VPS13B: variants seen among roughly 807,000 people sequenced by gnomAD.
The protein encoded by VPS13B is vacuolar protein sorting 13 homolog B, also known as intermembrane lipid transfer protein VPS13B.
A neutral mutation model predicts 426.4 loss-of-function variants in VPS13B; 285 were observed. The observed-to-expected ratio is 0.67, with a 90% CI of 0.61 to 0.74. VPS13B has a LOEUF of 0.74. Ranked by LOEUF, VPS13B falls within the 30% of genes least tolerant of loss-of-function variation. The probability of loss-of-function intolerance (pLI) is 0.00; values close to 1 mark genes in which losing one functional copy is unlikely to be tolerated. For missense variants in VPS13B, 4,537 were observed against 4,782.6 expected, an observed-to-expected ratio of 0.95 and a Z score of 1.51; for synonymous variants, 1,676 against 1,676.4, an observed-to-expected ratio of 1.00 and a Z score of 0.01.
At chr8:99,128,540 C>T (rs1479755735) in intron 8 of VPS13B, among the ~76,000 whole-genome samples, 1 of 150,194 alleles carries the variant, frequency 6.7e-6, no homozygotes, top group Admixed American at 6.6e-5. Flanking sequence ...ACCTTTTCAT[C>T]TGCTTTTCAG....
intron 2 of VPS13B, among the ~76,000 whole-genome samples, chr8:99,016,784 G>T (rs1182931137): frequency 6.6e-6 from 1 of 151,634 alleles, no homozygotes; most frequent in Admixed American, 6.6e-5. Flanking sequence ...TGGAGACAGG[G>T]TTTCACCATG....
chr8:99,408,426 A>G (rs1314503100), intron 21 of VPS13B, among the ~76,000 whole-genome samples: 1 of 152,142 alleles, frequency 6.6e-6, no homozygotes, highest in African/African-American at 2.4e-5. Context: ...TTCAGGATGT[A>G]TGGTGTAACA....
chr8:99,070,169 C>T (rs2132330972), intron 3 of VPS13B, among the ~76,000 whole-genome samples: 1 of 152,304 alleles, frequency 6.6e-6, no homozygotes, highest in South Asian at 2.1e-4. Flanking sequence ...CTGCCTTAGC[C>T]TCCCAAAGTG....
At chr8:99,158,092 G>A (rs1163142946) in intron 15 of VPS13B, among the ~76,000 whole-genome samples, 3 of 152,208 alleles carry the variant, frequency 2.0e-5, no homozygotes, top group African/African-American at 7.2e-5. Flanking sequence ...ATAGAAACTA[G>A]AGCAGGTTAT....
rs867123247 is a variant in VPS13B at position 99,806,522 on chromosome 8, C to A, written c.7942-2853C>A. ...GTTATTTGTTCTTGCCTTATTTTCC[C>A]TATGTGATCATAAGCTCCTTGTGGG... On this transcript the variant is annotated intron_variant, in intron 43 of 61. Transcript: ENST00000357162. 3.3e-5 allele frequency among the ~76,000 whole-genome samples: 5 copies of A among 152,300 alleles called. 1 individual carries two copies. The Middle Eastern group carries it at 0.01, about 311-fold the overall frequency.
chr8:99,191,347 T>G (rs1457421629), intron 16 of VPS13B, among the ~76,000 whole-genome samples: 1 of 151,264 alleles, frequency 6.6e-6, no homozygotes, highest in Non-Finnish European at 1.5e-5. Context: ...CCATTAAAGC[T>G]TTGTTCAGTT....
intron 21 of VPS13B, among the ~76,000 whole-genome samples, chr8:99,421,004 A>G (rs1588356389): frequency 6.6e-6 from 1 of 152,170 alleles, no homozygotes; most frequent in Admixed American, 6.5e-5. Context: ...TTTCGTATAC[A>G]TTACAACATT....
intron 19 of VPS13B, among the ~76,000 whole-genome samples, chr8:99,305,375 A>G (rs1052107023): frequency 6.6e-6 from 1 of 152,174 alleles, no homozygotes; most frequent in Non-Finnish European, 1.5e-5. Flanking sequence ...ACATTGTACT[A>G]GGTATTATAA....
chr8:99,851,452 G>A (rs1275439398), intron 55 of VPS13B, among the ~76,000 whole-genome samples: 3 of 152,184 alleles, frequency 2.0e-5, no homozygotes, highest in Admixed American at 2.0e-4. Context: ...ATTCTACAGG[G>A]ATGAAAACAG....
intron 23 of VPS13B, among the ~76,000 whole-genome samples, chr8:99,450,582 G>T (rs537806024): frequency 6.6e-6 from 1 of 152,174 alleles, no homozygotes; most frequent in East Asian, 1.9e-4. Flanking sequence ...GCATGGTGGC[G>T]TGCGCCTGTA....
intron 17 of VPS13B, among the ~76,000 whole-genome samples, chr8:99,273,573 T>G (rs1818720896): frequency 6.6e-6 from 1 of 151,976 alleles, no homozygotes; most frequent in African/African-American, 2.4e-5. Flanking sequence ...TCACCTGAGG[T>G]CAGGAGTTCA....
chr8:99,233,488 A>G, intron 17 of VPS13B: 7 of 1,310,928 alleles, frequency 5.3e-6, no homozygotes, highest in South Asian at 2.4e-5. Flanking sequence ...GAGATTCACA[A>G]TCTCCTGCTC....
intron 14 of VPS13B, among the ~76,000 whole-genome samples, chr8:99,152,179 T>C (rs141296655): frequency 2.9e-4 from 44 of 152,350 alleles, no homozygotes; most frequent in African/African-American, 9.4e-4. Context: ...TTGCTTTCAC[T>C]GCATGCTACA....
intron 33 of VPS13B, among the ~76,000 whole-genome samples, chr8:99,580,468 C>G (rs1825995570): frequency 6.6e-6 from 1 of 151,776 alleles, no homozygotes. Flanking sequence ...GCTGGGATTA[C>G]AGGTGTGAGC....
At chr8:99,068,556 G>A (rs759860776) in intron 3 of VPS13B, among the ~76,000 whole-genome samples, 2 of 152,120 alleles carry the variant, frequency 1.3e-5, no homozygotes, top group South Asian at 2.1e-4. Context: ...ATATTAGGCC[G>A]TTTTCACACT....
intron 43 of VPS13B, among the ~76,000 whole-genome samples, chr8:99,808,621 G>T (rs1813532109): frequency 6.6e-6 from 1 of 150,718 alleles, no homozygotes; most frequent in Admixed American, 6.6e-5. Context: ...TTATTTTTTG[G>T]AATACTCATA....
chr8:99,457,141 C>T (rs966498723), intron 23 of VPS13B, among the ~76,000 whole-genome samples: 4 of 151,786 alleles, frequency 2.6e-5, no homozygotes, highest in African/African-American at 9.7e-5. Flanking sequence ...AAGCCATTCT[C>T]CCGCCTCAGC....
chr8:99,273,350 T>C (rs1357722659), intron 17 of VPS13B, among the ~76,000 whole-genome samples: 1 of 150,736 alleles, frequency 6.6e-6, no homozygotes, highest in South Asian at 2.1e-4. Flanking sequence ...TTTTTTTTAG[T>C]AGAGATGGGG....
At chr8:99,491,900 C>G (rs1051131611) in intron 25 of VPS13B, among the ~76,000 whole-genome samples, 6 of 152,156 alleles carry the variant, frequency 3.9e-5, no homozygotes, top group Non-Finnish European at 7.3e-5. Context: ...CAGTTTTGTT[C>G]CATTGCTGGC....
Sources: allele counts gnomAD v4.1 joint callset (sites outside exome capture counted in the v4.1 genomes callset), GRCh38; gene constraint gnomAD v4.1.1; transcripts MANE v1.5; gene names NCBI Gene and HGNC (gene_info 2026-07-23, HGNC 2026-07-21).